The following SGIP1 variants were observed in gnomAD, a reference collection of about 807,000 sequenced individuals.
SGIP1 encodes SH3GL interacting endocytic adaptor 1.
SGIP1 carries 38 observed loss-of-function variants against 107.5 expected under a neutral mutation model. That is an observed-to-expected ratio of 0.35 (90% CI 0.27 to 0.46). The LOEUF (loss-of-function observed/expected upper bound fraction) is 0.46. Among genes scored for constraint, SGIP1 ranks in the 20% least tolerant of loss-of-function variants. The pLI is 1.00. For synonymous variants in SGIP1, 365 were observed against 366.1 expected, an observed-to-expected ratio of 1.00 and a Z score of 0.03; for missense variants, 929 against 1,019.5, an observed-to-expected ratio of 0.91 and a Z score of 1.21.
At chr1:66,684,130 TA>T (rs1158671869) in intron 15 of SGIP1, 3 of 1,550,478 alleles carry the variant, frequency 1.9e-6, no homozygotes, top group Non-Finnish European at 2.6e-6. Flanking sequence ...GGCTCAGAGA[TA>T]TCAAGTAATT....
intron 15 of SGIP1, 61 bp from the exon 16 acceptor site, chr1:66,689,087 G>A (rs570924361): frequency 1.3e-6 from 2 of 1,545,100 alleles, no homozygotes; most frequent in South Asian, 2.5e-5. Flanking sequence ...GCATTATACT[G>A]TGATAACAGC....
At chr1:66,554,442 T>G (rs1306544117) in intron 1 of SGIP1, among the ~76,000 whole-genome samples, 1 of 152,156 alleles carries the variant, frequency 6.6e-6, no homozygotes, top group East Asian at 1.9e-4. Flanking sequence ...TATAACATGA[T>G]GAGCATCCCT....
intron 19 of SGIP1, among the ~76,000 whole-genome samples, chr1:66,725,932 C>T (rs1357751947): frequency 2.6e-5 from 4 of 152,230 alleles, no homozygotes; most frequent in Non-Finnish European, 5.9e-5. Flanking sequence ...AAGGTGTGAA[C>T]ATGGCAGGAG....
At position 66,607,125 on chromosome 1, in the gene SGIP1, C is replaced by T. The variant is rs1434323454; in HGVS notation, c.11-18722C>T. On this transcript the variant is annotated intron_variant, in intron 1 of 24. Coordinates refer to ENST00000371037, the MANE Select transcript of SGIP1 (RefSeq NM_032291.4). ...ACATTTGATTCTCAATAACAGAATTCGAGCAGGCATTCCAAGTTGTTTCTT... is the reference window on the plus strand; with the variant it reads ...ACATTTGATTCTCAATAACAGAATTTGAGCAGGCATTCCAAGTTGTTTCTT... Among the ~76,000 whole-genome samples, 7 of 152,304 alleles carry T rather than the reference C, an allele frequency of 4.6e-5. No homozygotes were observed. In the East Asian group the frequency reaches 9.6e-4, roughly 21 times the overall value.
chr1:66,587,243 A>C (rs1241872898), intron 1 of SGIP1, among the ~76,000 whole-genome samples: 1 of 152,048 alleles, frequency 6.6e-6, no homozygotes, highest in African/African-American at 2.4e-5. Context: ...CAAATGTAGA[A>C]AATTTTAAGC....
At chr1:66,664,290 A>G (rs1416336423) in intron 8 of SGIP1, among the ~76,000 whole-genome samples, 2 of 152,292 alleles carry the variant, frequency 1.3e-5, no homozygotes. Flanking sequence ...GCAGGTTTAT[A>G]AGAAAGGTGG....
intron 1 of SGIP1, among the ~76,000 whole-genome samples, chr1:66,579,808 C>A (rs542909566): frequency 6.6e-6 from 1 of 152,266 alleles, no homozygotes; most frequent in East Asian, 1.9e-4. Flanking sequence ...CACCCAAATA[C>A]AACTGGTCAT....
At chr1:66,576,808 T>C (rs2061131565) in intron 1 of SGIP1, among the ~76,000 whole-genome samples, 1 of 152,176 alleles carries the variant, frequency 6.6e-6, no homozygotes, top group Non-Finnish European at 1.5e-5. Flanking sequence ...AGATTAGCCA[T>C]GTGTCATCTG....
intron 1 of SGIP1, among the ~76,000 whole-genome samples, chr1:66,575,415 G>A (rs545122379): frequency 6.6e-6 from 1 of 152,066 alleles, no homozygotes; most frequent in Non-Finnish European, 1.5e-5. Context: ...ACATTTACTT[G>A]TAGATGCATC....
chr1:66,732,734 C>G (rs1198984321), intron 20 of SGIP1, among the ~76,000 whole-genome samples: 2 of 139,710 alleles, frequency 1.4e-5, no homozygotes, highest in Non-Finnish European at 3.2e-5. Flanking sequence ...CTAATTTTCT[C>G]TCTTTTTTTT....
intron 1 of SGIP1, among the ~76,000 whole-genome samples, chr1:66,594,323 T>C (rs562893344): frequency 6.6e-6 from 1 of 152,358 alleles, no homozygotes; most frequent in East Asian, 1.9e-4. Flanking sequence ...TTGTTCCAAT[T>C]CAACTATTAG....
chr1:66,634,020 A>G, intron 3 of SGIP1: 1 of 1,445,960 alleles, frequency 6.9e-7, no homozygotes, highest in Non-Finnish European at 9.5e-7. Flanking sequence ...ATGAAATGTT[A>G]AGAAAATAGA....
At chr1:66,556,818 G>T (rs1220597167) in intron 1 of SGIP1, among the ~76,000 whole-genome samples, 1 of 152,060 alleles carries the variant, frequency 6.6e-6, no homozygotes, top group Non-Finnish European at 1.5e-5. Context: ...CCATTGGTTA[G>T]TTAACCTTAA....
chr1:66,599,145 A>C (rs1013886508), intron 1 of SGIP1, among the ~76,000 whole-genome samples: 1 of 152,226 alleles, frequency 6.6e-6, no homozygotes, highest in Non-Finnish European at 1.5e-5. Flanking sequence ...TAAGTTATTA[A>C]GGACATAAAT....
At chr1:66,568,454 A>G (rs1010624976) in intron 1 of SGIP1, among the ~76,000 whole-genome samples, 2 of 151,928 alleles carry the variant, frequency 1.3e-5, no homozygotes, top group African/African-American at 2.4e-5. Flanking sequence ...AGACAATTTG[A>G]CTTATTTTCT....
intron 5 of SGIP1, among the ~76,000 whole-genome samples, chr1:66,642,298 C>A (rs567645141): frequency 6.6e-6 from 1 of 152,140 alleles, no homozygotes; most frequent in Admixed American, 6.5e-5. Context: ...TGAACAGGCT[C>A]TTCCTTACCA....
chr1:66,738,283 T>A (rs867490808), intron 21 of SGIP1, among the ~76,000 whole-genome samples: 1 of 152,294 alleles, frequency 6.6e-6, no homozygotes, highest in Middle Eastern at 3.4e-3. Flanking sequence ...TCAGGACCCT[T>A]CTCCATGGTG....
intron 1 of SGIP1, among the ~76,000 whole-genome samples, chr1:66,578,846 T>G (rs2061433295): frequency 6.6e-6 from 1 of 152,146 alleles, no homozygotes. Context: ...TAATTTTGTA[T>G]TTTTAGTAGA....
At chr1:66,639,481 T>C (rs1214803099) in intron 4 of SGIP1, among the ~76,000 whole-genome samples, 4 of 152,242 alleles carry the variant, frequency 2.6e-5, no homozygotes, top group Non-Finnish European at 5.9e-5. Flanking sequence ...ATAAAGGTGC[T>C]GCTAATTCTT....
Sources: allele counts gnomAD v4.1 joint callset (sites outside exome capture counted in the v4.1 genomes callset), GRCh38; gene constraint gnomAD v4.1.1; transcripts MANE v1.5; gene names NCBI Gene and HGNC (gene_info 2026-07-23, HGNC 2026-07-21).